DNAL4: variants seen among roughly 807,000 people sequenced by gnomAD.
The protein encoded by DNAL4 is dynein light chain, outer arm 4.
A neutral mutation model predicts 12.6 loss-of-function variants in DNAL4; 10 were observed. That is an observed-to-expected ratio of 0.79 (90% confidence interval 0.49 to 1.34). The LOEUF is 1.34. Ranked by LOEUF, DNAL4 falls within the 40% of genes most tolerant of loss-of-function variation. The pLI, the probability that DNAL4 is intolerant of heterozygous loss-of-function variation, is 0.00. For synonymous variants in DNAL4, 46 were observed against 53.1 expected (o/e 0.87, Z 0.58); for missense variants, 128 against 138.1 (o/e 0.93, Z 0.37).
chr22:38,792,064 A>C (rs2093051489), intron 1 of DNAL4, among the ~76,000 whole-genome samples: 1 of 152,066 alleles, frequency 6.6e-6, no homozygotes. Flanking sequence ...GGCTGCACTA[A>C]ATTTATAGAA....
At chr22:38,781,122 G>T in intron 2 of DNAL4, 113 bp from the exon 3 acceptor site, 1 of 1,174,320 alleles carries the variant, frequency 8.5e-7, no homozygotes, top group Non-Finnish European at 1.2e-6. Context: ...AGCCTCCCTG[G>T]CCCAGCCCTG....
At chr22:38,783,557 C>T (rs1316825229) in intron 1 of DNAL4, among the ~76,000 whole-genome samples, 2 of 152,236 alleles carry the variant, frequency 1.3e-5, no homozygotes, top group Admixed American at 1.3e-4. Flanking sequence ...GGGGAATGGG[C>T]ACGGTGCTGC....
At position 38,778,521 on chromosome 22, in the gene DNAL4, A is replaced by G. The variant is rs1445684352; in HGVS notation, c.*928T>C. The G allele has an allele frequency of 1.3e-5, 2 of 152,654 alleles. No homozygotes were observed. The highest frequency in any genetic ancestry group is 3.8e-4 in the East Asian group (2 of 5,200). 9.5% of individuals were successfully genotyped at this position (152,654 alleles called of 1,614,324 possible). A position where few individuals can be genotyped will look rare whatever the true frequency, so the allele number is the denominator to read the frequency against. ...TGTAGAATGAGGTCAGTTTTTGGTC[A>G]TTTTAATTGTAAAAACCAAGACATT... On this transcript the variant is annotated 3_prime_UTR_variant, in exon 4 of 4. Coordinates refer to ENST00000216068, the MANE Select transcript of DNAL4 (RefSeq NM_005740.3).
Position 38,780,919 on chromosome 22 carries a change from G to C in DNAL4, c.153+7C>G. On this transcript the variant is annotated splice_region_variant and intron_variant, in intron 3 of 3. Transcript: ENST00000216068. Reference sequence around the variant, plus strand: ...GCACGAGGGGCCGCCTGCACTGCTGGCAATACCTCGTTGTTGTTGGAGAAT... The same window carrying C: ...GCACGAGGGGCCGCCTGCACTGCTGCCAATACCTCGTTGTTGTTGGAGAAT... 6.2e-7 allele frequency: 1 copy of C among 1,614,188 alleles called. No individual in the cohort carries two copies. The highest frequency in any genetic ancestry group is 8.5e-7 in the Non-Finnish European group (1 of 1,180,010).
Position 38,779,369 on chromosome 22 carries a change from A to G in DNAL4, c.*80T>C. The G allele has an allele frequency of 1.4e-6, 2 of 1,454,128 alleles. No individual in the cohort carries two copies. The highest frequency in any genetic ancestry group is 1.8e-6 in the Non-Finnish European group (2 of 1,097,650). The allele number at this position is 1,454,128 out of a possible 1,614,324, so 90.1% of individuals were successfully genotyped here. On this transcript the variant is annotated 3_prime_UTR_variant, in exon 4 of 4. Transcript: ENST00000216068. The surrounding 1 kb of genome is among the most constrained non-coding windows in gnomAD (Gnocchi z 4.3). Reference sequence around the variant, plus strand: ...GACCCCAACTCTCCTTGGAAAAACCAGGACCTGCCTAGGGCTGCTCCCCAC... The same window carrying G: ...GACCCCAACTCTCCTTGGAAAAACCGGGACCTGCCTAGGGCTGCTCCCCAC...
chr22:38,791,138 G>A (rs907245295), intron 1 of DNAL4, among the ~76,000 whole-genome samples: 6 of 150,710 alleles, frequency 4.0e-5, no homozygotes, highest in Non-Finnish European at 7.4e-5. Flanking sequence ...CTGCACTCCA[G>A]CCTGGGCAGC....
intron 1 of DNAL4, among the ~76,000 whole-genome samples, chr22:38,784,469 A>G (rs1381034080): frequency 6.6e-6 from 1 of 151,220 alleles, no homozygotes; most frequent in African/African-American, 2.4e-5. Context: ...AGGGAGACGA[A>G]TCAAATATTT....
chr22:38,786,104 A>T (rs2093041845), intron 1 of DNAL4: 1 of 152,256 alleles, frequency 6.6e-6, no homozygotes, highest in African/African-American at 2.4e-5. Context: ...TAGTACAGCT[A>T]GAGTCATTCA....
rs1370642338 is a variant in DNAL4 at position 38,782,301 on chromosome 22, C to T, written c.69+362G>A. On this transcript the variant is annotated intron_variant, in intron 2 of 3. Transcript: ENST00000216068. This position sits in a 1 kb window ranked among gnomAD's most constrained non-coding sequence, Gnocchi z 5.1. ...AGGTCTCTGATCTGCAAAACCTCTC[C>T]AGAAGCTAACCTCTGCTCTCCAGCT... is the stretch of plus-strand genomic sequence containing the variant. Among the ~76,000 whole-genome samples, 1 of 152,254 alleles carries T rather than the reference C, an allele frequency of 6.6e-6. No individual in the cohort carries two copies. Among genetic ancestry groups the T allele is most frequent in the Non-Finnish European group, 1.5e-5 (1 of 68,050 alleles).
In DNAL4 at chr22:38,782,802, A is replaced by G; in HGVS notation, c.-71T>C. On this transcript the variant is annotated 5_prime_UTR_variant, in exon 2 of 4. Transcript: ENST00000216068. This position sits in a 1 kb window ranked among gnomAD's most constrained non-coding sequence, Gnocchi z 5.1. ...GTGCTGGGACTGGCAGTTAAGACAC[A>G]CCCAGGAGATTCAGGAAGCAGGCCC... 7.0e-7 allele frequency: 1 copy of G among 1,434,594 alleles called. No homozygotes were observed. The allele number at this position is 1,434,594 out of a possible 1,614,324, so 88.9% of individuals were successfully genotyped here.
In DNAL4 at chr22:38,782,489, G is replaced by T. The variant is rs1369074826; in HGVS notation, c.69+174C>A. 2.0e-5 allele frequency among the ~76,000 whole-genome samples: 3 copies of T among 152,224 alleles called. No homozygotes were observed. The highest frequency in any genetic ancestry group is 2.0e-4 in the Admixed American group (3 of 15,286). ...GTAGGTGGCCCAATACTTGGTGAAT[G>T]AATGAATGAATGAAACAATGAATCA... On this transcript the variant is annotated intron_variant, in intron 2 of 3. Coordinates refer to ENST00000216068, the MANE Select transcript of DNAL4 (RefSeq NM_005740.3). The surrounding 1 kb of genome is among the most constrained non-coding windows in gnomAD (Gnocchi z 5.1).
At chr22:38,786,955 T>C (rs2093043145) in intron 1 of DNAL4, among the ~76,000 whole-genome samples, 1 of 152,150 alleles carries the variant, frequency 6.6e-6, no homozygotes, top group South Asian at 2.1e-4. Flanking sequence ...TGGGAGGGAC[T>C]GGGAAAAATG....
At chr22:38,791,104 T>A (rs1569319505) in intron 1 of DNAL4, among the ~76,000 whole-genome samples, 2 of 149,722 alleles carry the variant, frequency 1.3e-5, no homozygotes, top group Non-Finnish European at 3.0e-5. Context: ...GAGGCGGAGG[T>A]TGCAGTGAGC....
chr22:38,780,156 C>A (rs115437036), intron 3 of DNAL4, among the ~76,000 whole-genome samples: 3,349 of 152,284 alleles, frequency 0.022, 114 homozygotes, highest in African/African-American at 0.077. Context: ...GGGCAGGGAC[C>A]CCCGCTCGGC....
Position 38,779,528 on chromosome 22 carries a change from T to C in DNAL4, c.239A>G (p.Glu80Gly). The change falls in exon 4 of 4, where the codon GAG becomes GGG. Residue 80 changes from glutamate to glycine, a missense_variant. Coordinates refer to ENST00000216068, the MANE Select transcript of DNAL4 (RefSeq NM_005740.3). This position sits in a 1 kb window ranked among gnomAD's most constrained non-coding sequence, Gnocchi z 4.3. ...GAGGTTCTTCACCTCGTGGGTGATCTCAAACCCAAAGCCCTCGCCGATCAC... is the reference window on the plus strand; with the variant it reads ...GAGGTTCTTCACCTCGTGGGTGATCCCAAACCCAAAGCCCTCGCCGATCAC... ...HVVIGEGFGF[E>G]ITHEVKNLLY... The C allele has an allele frequency of 6.3e-7, 1 of 1,585,664 alleles. No homozygotes were observed. The highest frequency in any genetic ancestry group is 8.6e-7 in the Non-Finnish European group (1 of 1,165,060).
At position 38,781,006 on chromosome 22, in the gene DNAL4, A is replaced by G; in HGVS notation, c.73T>C (p.Ser25Pro). 1 of 1,614,032 alleles carries G rather than the reference A, an allele frequency of 6.2e-7. No individual in the cohort carries two copies. The highest frequency in any genetic ancestry group is 8.5e-7 in the Non-Finnish European group (1 of 1,179,958). The change falls in exon 3 of 4, where the codon TCG becomes CCG. Residue 25 changes from serine to proline, a missense_variant. Ser to Pro is a moderately conservative substitution (Grantham distance 74, BLOSUM62 -1). Transcript: ENST00000216068. Reference protein sequence around the residue: ...RLQTFPLVRHSDMPEEMRVET... With the variant: ...RLQTFPLVRHPDMPEEMRVET... ...ACGCGCATCTCCTCTGGCATGTCCGAGTGCTAGAGACAGGGCAGGGGTAAC... is the reference window on the plus strand; with the variant it reads ...ACGCGCATCTCCTCTGGCATGTCCGGGTGCTAGAGACAGGGCAGGGGTAAC...
Position 38,782,655 on chromosome 22 carries a change from G to T in DNAL4, c.69+8C>A. The T allele has an allele frequency of 1.2e-6, 2 of 1,612,506 alleles. No homozygotes were observed. The highest frequency in any genetic ancestry group is 1.7e-6 in the Non-Finnish European group (2 of 1,179,588). On this transcript the variant is annotated splice_region_variant and intron_variant, in intron 2 of 3. Coordinates refer to ENST00000216068, the MANE Select transcript of DNAL4 (RefSeq NM_005740.3). This position sits in a 1 kb window ranked among gnomAD's most constrained non-coding sequence, Gnocchi z 5.1. ...CCGGCAGTCCTGCCTCCCTCCCCTG[G>T]GGCTTACCCTGACCAGAGGGAAGGT... is the stretch of plus-strand genomic sequence containing the variant.
chr22:38,780,741 G>C (rs928849581), intron 3 of DNAL4, 185 bp downstream of exon 3: 2 of 592,642 alleles, frequency 3.4e-6, no homozygotes, highest in East Asian at 6.1e-5. Context: ...GGGTGTGACC[G>C]TCAGTGCCTG....
chr22:38,783,319 T>C, intron 1 of DNAL4, among the ~76,000 whole-genome samples: 4 of 142,644 alleles, frequency 2.8e-5, no homozygotes, highest in Non-Finnish European at 4.5e-5. Flanking sequence ...ACACGGGCCT[T>C]CCCTCCCACT....
Sources: allele counts gnomAD v4.1 joint callset (sites outside exome capture counted in the v4.1 genomes callset), GRCh38; gene constraint gnomAD v4.1.1; non-coding constraint Gnocchi (gnomAD v3.1); transcripts MANE v1.5; gene names NCBI Gene and HGNC (gene_info 2026-07-23, HGNC 2026-07-21).